IQCJ: variants seen among roughly 807,000 people sequenced by gnomAD.
IQCJ encodes IQ domain-containing protein J.
Under a neutral mutation model 11.0 loss-of-function variants are expected in IQCJ, and 9 were observed. The ratio of observed to expected loss-of-function variants is 0.82; its 90% CI spans 0.49 to 1.43. IQCJ has a LOEUF of 1.43. IQCJ is among the 40% of genes most tolerant of loss of function. The probability of loss-of-function intolerance (pLI) is 0.00; values close to 1 mark genes in which losing one functional copy is unlikely to be tolerated. For missense variants in IQCJ, 146 were observed against 133.2 expected (o/e 1.10, Z -0.47); for synonymous variants, 55 against 51.3 (o/e 1.07, Z -0.31).
chr3:159,258,363 G>C (rs1728015349), intron 3 of IQCJ, among the ~76,000 whole-genome samples: 1 of 152,206 alleles, frequency 6.6e-6, no homozygotes, highest in South Asian at 2.1e-4. Context: ...TGGCTAGTCA[G>C]CCCGGGGGAA....
intron 1 of IQCJ, among the ~76,000 whole-genome samples, chr3:159,087,884 A>G (rs1344480886): frequency 5.9e-4 from 88 of 148,892 alleles, no homozygotes; most frequent in African/African-American, 1.9e-3. Flanking sequence ...TGGATTCATT[A>G]ATTTTTTGAA....
chr3:159,075,782 ACT>A (rs2108048568), intron 1 of IQCJ, among the ~76,000 whole-genome samples: 1 of 152,250 alleles, frequency 6.6e-6, no homozygotes, highest in East Asian at 1.9e-4. Context: ...TGAGGCAGGC[ACT>A]GTTGGTTACT....
At chr3:159,234,048 G>C (rs180986548) in intron 1 of IQCJ, among the ~76,000 whole-genome samples, 2 of 152,278 alleles carry the variant, frequency 1.3e-5, no homozygotes, top group African/African-American at 4.8e-5. Flanking sequence ...ACTGGTGTAA[G>C]TCCCAAGTCA....
chr3:159,204,311 T>C (rs1233041489), intron 1 of IQCJ, among the ~76,000 whole-genome samples: 1 of 152,202 alleles, frequency 6.6e-6, no homozygotes, highest in Non-Finnish European at 1.5e-5. Context: ...TGAATGGTTT[T>C]AGTGGGGCCA....
chr3:159,222,573 G>T (rs904802390), intron 1 of IQCJ, among the ~76,000 whole-genome samples: 3 of 152,100 alleles, frequency 2.0e-5, no homozygotes, highest in South Asian at 2.1e-4. Flanking sequence ...AAGATCAAAG[G>T]TTACAAACTT....
chr3:159,223,251 T>A (rs186020380), intron 1 of IQCJ, among the ~76,000 whole-genome samples: 1 of 152,220 alleles, frequency 6.6e-6, no homozygotes, highest in African/African-American at 2.4e-5. Context: ...ATTCAATATA[T>A]ACTCACTAAA....
chr3:159,237,058 T>C (rs1255461698), intron 1 of IQCJ, among the ~76,000 whole-genome samples: 3 of 152,216 alleles, frequency 2.0e-5, no homozygotes, highest in African/African-American at 7.2e-5. Flanking sequence ...TGAAGTAAAT[T>C]GCAGATTGTT....
chr3:159,181,404 TG>T (rs1349442402), intron 1 of IQCJ, among the ~76,000 whole-genome samples: 1 of 144,840 alleles, frequency 6.9e-6, no homozygotes, highest in East Asian at 2.1e-4. Flanking sequence ...GGTTTTAACT[TG>T]TTAAAACCAA....
intron 1 of IQCJ, among the ~76,000 whole-genome samples, chr3:159,086,396 G>A (rs1403269206): frequency 6.6e-6 from 1 of 152,096 alleles, no homozygotes; most frequent in African/African-American, 2.4e-5. Context: ...ACTTGGCGAT[G>A]CGTGCTCTTT....
chr3:159,159,049 A>C (rs1721690586), intron 1 of IQCJ, among the ~76,000 whole-genome samples: 1 of 152,188 alleles, frequency 6.6e-6, no homozygotes, highest in Non-Finnish European at 1.5e-5. Context: ...GGGTTGGTCA[A>C]GAGGGGAGAG....
At chr3:159,206,178 A>G (rs1823310) in intron 1 of IQCJ, among the ~76,000 whole-genome samples, 99,035 of 152,020 alleles carry the variant, frequency 0.65, 34,220 homozygotes, top group African/African-American at 0.89. Flanking sequence ...TCCCTTTTCA[A>G]TGGAACATGC....
At chr3:159,093,782 G>A (rs1299602717) in intron 1 of IQCJ, among the ~76,000 whole-genome samples, 1 of 151,838 alleles carries the variant, frequency 6.6e-6, no homozygotes, top group Non-Finnish European at 1.5e-5. Flanking sequence ...CATGGCAGCA[G>A]GAGAGAGAAG....
In IQCJ at chr3:159,128,333, G is replaced by T. The variant is rs1381387020; in HGVS notation, c.9+58892G>T. ...TGTCTATATATGAGCCAGAGGAATG[G>T]ATAGAAATCCAGACATTAAGAATTA... On this transcript the variant is annotated intron_variant, in intron 1 of 3. Transcript: ENST00000397832. Among the ~76,000 whole-genome samples the T allele has an allele frequency of 2.6e-5, 4 of 152,286 alleles. No individual in the cohort carries two copies. In the East Asian group the frequency reaches 7.7e-4, roughly 29 times the overall value.
chr3:159,093,432 C>A lies in IQCJ; in HGVS notation c.9+23991C>A, dbSNP rs568235463. ...TATTCTCTGTATAAAGGTTTTACAT[C>A]TTTTTGTCAAGATTTGGCTCCCACA... On this transcript the variant is annotated intron_variant, in intron 1 of 3. Transcript: ENST00000397832. Among the ~76,000 whole-genome samples the A allele has an allele frequency of 2.6e-5, 4 of 151,906 alleles. No homozygotes were observed. In the East Asian group the frequency reaches 7.7e-4, roughly 29 times the overall value.
chr3:159,208,370 C>A (rs575690156), intron 1 of IQCJ, among the ~76,000 whole-genome samples: 42 of 152,160 alleles, frequency 2.8e-4, no homozygotes, highest in Non-Finnish European at 5.4e-4. Flanking sequence ...AGCTGATGTG[C>A]CTGCAGAGTC....
At chr3:159,104,601 C>T (rs916620663) in intron 1 of IQCJ, among the ~76,000 whole-genome samples, 1 of 152,172 alleles carries the variant, frequency 6.6e-6, no homozygotes, top group Admixed American at 6.5e-5. Flanking sequence ...TACCTGTTCT[C>T]CTGGAGCTCC....
chr3:159,092,567 A>G lies in IQCJ; in HGVS notation c.9+23126A>G, dbSNP rs574382319. On this transcript the variant is annotated intron_variant, in intron 1 of 3. Transcript: ENST00000397832. Reference sequence around the variant, plus strand: ...TAAAAAATTAGCCAGGCGTGGTGACAGGCATCTGTAGTCCCAGCTACTCGG... The same window carrying G: ...TAAAAAATTAGCCAGGCGTGGTGACGGGCATCTGTAGTCCCAGCTACTCGG... 2.0e-5 allele frequency among the ~76,000 whole-genome samples: 3 copies of G among 151,748 alleles called. No individual in the cohort carries two copies. In the South Asian group the frequency reaches 6.2e-4, roughly 31 times the overall value.
At chr3:159,070,358 G>A (rs1348686237) in intron 1 of IQCJ, among the ~76,000 whole-genome samples, 1 of 151,902 alleles carries the variant, frequency 6.6e-6, no homozygotes, top group African/African-American at 2.4e-5. Context: ...TACATCCTTG[G>A]GACTTGCTCT....
intron 1 of IQCJ, among the ~76,000 whole-genome samples, chr3:159,138,527 AG>A (rs1236377716): frequency 3.0e-4 from 46 of 152,252 alleles, no homozygotes; most frequent in African/African-American, 1.1e-3. Context: ...CAAAGTAAAA[AG>A]TTATTTTTAA....
Sources: allele counts gnomAD v4.1 joint callset (sites outside exome capture counted in the v4.1 genomes callset), GRCh38; gene constraint gnomAD v4.1.1; transcripts MANE v1.5; gene names NCBI Gene and HGNC (gene_info 2026-07-23, HGNC 2026-07-21).